The following TMPRSS11A variants were observed in gnomAD, a reference collection of about 807,000 sequenced individuals.
TMPRSS11A encodes the protein transmembrane protease serine 11A.
Under a neutral mutation model 58.9 loss-of-function variants are expected in TMPRSS11A, and 53 were observed. The ratio of observed to expected loss-of-function variants is 0.90; its 90% CI spans 0.72 to 1.13. TMPRSS11A has a LOEUF of 1.13. TMPRSS11A is among the 50% of genes most tolerant of loss of function. The pLI is 0.00. For missense variants in TMPRSS11A, 493 were observed against 499.3 expected (o/e 0.99, Z 0.12); for synonymous variants, 167 against 169.8 (o/e 0.98, Z 0.13).
Position 67,930,143 on chromosome 4 carries a change from G to C in TMPRSS11A, c.321-103C>G, listed in dbSNP as rs908166138. ...CCCTGAATGATCCCTCAGTTGCTGA[G>C]AGTGTCAAGTGCTGATCCTCTCATG... On this transcript the variant is annotated intron_variant, in intron 4 of 9. Coordinates refer to ENST00000508048, the MANE Select transcript of TMPRSS11A (RefSeq NM_001114387.2). 15 of 1,056,708 alleles carry C rather than the reference G, an allele frequency of 1.4e-5. No individual in the cohort carries two copies. In the African/African-American group the frequency reaches 2.4e-4, roughly 17 times the overall value. The allele number at this position is 1,056,708 out of a possible 1,614,324, so 65.5% of individuals were successfully genotyped here.
Position 67,961,482 on chromosome 4 carries a change from C to CTTTTTTTTTTTTT in TMPRSS11A, c.11+1900_11+1901insAAAAAAAAAAAAA, listed in dbSNP as rs1721418705. ...CTTTTCTTTCCTTTCCTTTTCTTTTCCTTTTTTTTTTTTTTTTTTTTTTTT... is the reference window on the plus strand; with the variant it reads ...CTTTTCTTTCCTTTCCTTTTCTTTTCTTTTTTTTTTTTTCTTTTTTTTTTTTTTTTTTTTTTTT... On this transcript the variant is annotated intron_variant, in intron 1 of 9. Transcript: ENST00000508048. 4.9e-5 allele frequency among the ~76,000 whole-genome samples: 5 copies of CTTTTTTTTTTTTT among 102,452 alleles called. 2 individuals are homozygous for CTTTTTTTTTTTTT. The highest frequency in any genetic ancestry group is 2.4e-4 in the African/African-American group (5 of 20,958). The allele number at this position is 102,452 out of a possible 152,430, so 67.2% of individuals were successfully genotyped here.
chr4:67,916,330 A>G (rs1047726191), intron 8 of TMPRSS11A, among the ~76,000 whole-genome samples: 9 of 152,320 alleles, frequency 5.9e-5, no homozygotes, highest in African/African-American at 2.2e-4. Flanking sequence ...TTAGAAGACG[A>G]TTTCCAAGAT....
intron 4 of TMPRSS11A, among the ~76,000 whole-genome samples, chr4:67,930,829 T>TTTTTCA (rs1265700805): frequency 2.2e-5 from 2 of 90,158 alleles, no homozygotes; most frequent in African/African-American, 4.7e-5. Context: ...TTTTTTTTTT[T>TTTTTCA]ACAAAAAAAA....
intron 1 of TMPRSS11A, among the ~76,000 whole-genome samples, chr4:67,953,415 G>T (rs540767558): frequency 6.6e-6 from 1 of 152,214 alleles, no homozygotes; most frequent in Non-Finnish European, 1.5e-5. Context: ...AGCTCTTACA[G>T]ACTTGAAAAC....
chr4:67,919,844 A>G (rs1211088073), intron 7 of TMPRSS11A, among the ~76,000 whole-genome samples: 1 of 152,146 alleles, frequency 6.6e-6, no homozygotes, highest in African/African-American at 2.4e-5. Flanking sequence ...GTCAGAACAC[A>G]AGGGAAAGAA....
At chr4:67,922,459 G>A (rs560575471) in intron 7 of TMPRSS11A, among the ~76,000 whole-genome samples, 1 of 152,272 alleles carries the variant, frequency 6.6e-6, no homozygotes, top group African/African-American at 2.4e-5. Flanking sequence ...AATGGTACAT[G>A]TTATTAGTGA....
intron 1 of TMPRSS11A, among the ~76,000 whole-genome samples, chr4:67,962,966 C>T (rs1721473293): frequency 6.6e-6 from 1 of 152,128 alleles, no homozygotes; most frequent in South Asian, 2.1e-4. Flanking sequence ...CAAGGACCCA[C>T]CATAAGGGAC....
intron 1 of TMPRSS11A, among the ~76,000 whole-genome samples, chr4:67,948,713 C>G (rs1428288340): frequency 6.6e-6 from 1 of 152,140 alleles, no homozygotes; most frequent in African/African-American, 2.4e-5. Context: ...AATAGAACAA[C>G]AAACAGAAGT....
chr4:67,934,600 A>G (rs754390112), intron 3 of TMPRSS11A, among the ~76,000 whole-genome samples: 10 of 152,156 alleles, frequency 6.6e-5, no homozygotes, highest in Non-Finnish European at 1.3e-4. Context: ...CTAGCATTGA[A>G]CAAAAGACCC....
chr4:67,960,840 T>A (rs1010346392), intron 1 of TMPRSS11A, among the ~76,000 whole-genome samples: 1 of 152,194 alleles, frequency 6.6e-6, no homozygotes, highest in Admixed American at 6.5e-5. Flanking sequence ...AAGAGGAGAA[T>A]TCTGATTTTT....
intron 1 of TMPRSS11A, 110 bp downstream of exon 1, chr4:67,963,273 G>A: frequency 9.8e-7 from 1 of 1,015,648 alleles, no homozygotes; most frequent in Non-Finnish European, 1.5e-6. Flanking sequence ...ATCCAGTGCA[G>A]ATTGAATCCA....
rs147036994 is a variant in TMPRSS11A, at chr4:67,946,484, C to A, written c.99G>T (p.Val33=). 2 of 1,608,750 alleles carry A rather than the reference C, an allele frequency of 1.2e-6. No homozygotes were observed. The highest frequency in any genetic ancestry group is 1.7e-5 in the Admixed American group (1 of 59,168). The part of the protein sequence containing the change: ...LIVLSLTVVA[V]TIGLLVHFLV... ...GGAAGTGAACCAGGAGACCTATGGTCACTGCCACCACTGTCAGGGACAACA... is the reference window on the plus strand; with the variant it reads ...GGAAGTGAACCAGGAGACCTATGGTAACTGCCACCACTGTCAGGGACAACA... The change falls in exon 2 of 10, where the codon GTG becomes GTT. Residue 33 remains valine, a synonymous_variant. Coordinates refer to ENST00000508048, the MANE Select transcript of TMPRSS11A (RefSeq NM_001114387.2).
chr4:67,934,857 A>G (rs987446799), intron 3 of TMPRSS11A, among the ~76,000 whole-genome samples: 4 of 152,120 alleles, frequency 2.6e-5, no homozygotes, highest in African/African-American at 9.7e-5. Context: ...ACAGCAGTCA[A>G]TGTATTCACT....
Position 67,944,501 on chromosome 4 carries a change from GAA to G in TMPRSS11A, c.252+16_252+17del. On this transcript the variant is annotated intron_variant, in intron 3 of 9. Coordinates refer to ENST00000508048, the MANE Select transcript of TMPRSS11A (RefSeq NM_001114387.2). ...CACTTGCATTATTCTATGATAAAAA[GAA>G]GTTTACCTGACTCACCAAATTTTCG... is the stretch of plus-strand genomic sequence containing the variant. 6.2e-7 allele frequency: 1 copy of G among 1,600,620 alleles called. No homozygotes were observed. The highest frequency in any genetic ancestry group is 8.5e-7 in the Non-Finnish European group (1 of 1,175,340).
In TMPRSS11A at chr4:67,920,549, A is replaced by ATT. The variant is rs1553922035; in HGVS notation, c.693-1319_693-1318dup. 3.1e-3 allele frequency among the ~76,000 whole-genome samples: 411 copies of ATT among 130,880 alleles called. 1 individual carries two copies. The highest frequency in any genetic ancestry group is 0.012 in the Middle Eastern group (3 of 260). 85.9% of individuals were successfully genotyped at this position (130,880 alleles called of 152,430 possible). On this transcript the variant is annotated intron_variant, in intron 7 of 9. Coordinates refer to ENST00000508048, the MANE Select transcript of TMPRSS11A (RefSeq NM_001114387.2). ...TAATTATATATATATATATATATAT[A>ATT]TTTTTTTTTATATATACACACACAC...
At chr4:67,930,829 T>TTTTTTCA (rs1265700805) in intron 4 of TMPRSS11A, among the ~76,000 whole-genome samples, 2 of 90,152 alleles carry the variant, frequency 2.2e-5, no homozygotes, top group Non-Finnish European at 2.1e-5. Flanking sequence ...TTTTTTTTTT[T>TTTTTTCA]ACAAAAAAAA....
At chr4:67,916,687 C>T (rs1223372152) in intron 8 of TMPRSS11A, among the ~76,000 whole-genome samples, 1 of 152,042 alleles carries the variant, frequency 6.6e-6, no homozygotes, top group Non-Finnish European at 1.5e-5. Flanking sequence ...ATTAGCCGGG[C>T]ATGGTGGTGG....
chr4:67,923,506 TA>T (rs769787570), intron 6 of TMPRSS11A, among the ~76,000 whole-genome samples: 17 of 152,300 alleles, frequency 1.1e-4, no homozygotes, highest in Non-Finnish European at 2.2e-4. Context: ...CTATTAAGCA[TA>T]TTTTTTTCTT....
chr4:67,951,967 C>CGACT (rs1721171966), intron 1 of TMPRSS11A, among the ~76,000 whole-genome samples: 2 of 152,124 alleles, frequency 1.3e-5, no homozygotes, highest in South Asian at 4.1e-4. Context: ...TGAACTTAGT[C>CGACT]ATTTTCTACA....
Sources: gnomAD v4.1 joint callset for allele counts (sites outside exome capture counted in the v4.1 genomes callset) on GRCh38, gnomAD v4.1.1 for gene constraint, MANE v1.5 for transcripts, NCBI Gene and HGNC (gene_info 2026-07-23, HGNC 2026-07-21) for gene names.